The following ADAMTS12 variants were observed in gnomAD, a reference collection of about 807,000 sequenced individuals.
ADAMTS12 encodes the protein ADAM metallopeptidase with thrombospondin type 1 motif 12.
ADAMTS12 carries 118 observed loss-of-function variants against 167.8 expected under a neutral mutation model. That is an observed-to-expected ratio of 0.70 (90% CI 0.61 to 0.82). The LOEUF (loss-of-function observed/expected upper bound fraction) is 0.82. Ranked by LOEUF, ADAMTS12 falls within the 40% of genes least tolerant of loss-of-function variation. The probability of loss-of-function intolerance (pLI) is 0.00; values close to 1 mark genes in which losing one functional copy is unlikely to be tolerated. For missense variants in ADAMTS12, 1,916 were observed against 1,998.8 expected, an observed-to-expected ratio of 0.96 and a Z score of 0.79; for synonymous variants, 704 against 716.9, an observed-to-expected ratio of 0.98 and a Z score of 0.29.
chr5:33,527,461 T>A, intron 23 of ADAMTS12, 95 bp from the exon 24 acceptor site: 2 of 1,243,794 alleles, frequency 1.6e-6, no homozygotes, highest in Non-Finnish European at 2.2e-6. Flanking sequence ...TTTATATGTC[T>A]ACCAAGAAAG....
intron 3 of ADAMTS12, among the ~76,000 whole-genome samples, chr5:33,739,201 A>G (rs9784618): frequency 0.12 from 18,799 of 152,086 alleles, 1,869 homozygotes; most frequent in East Asian, 0.54. Flanking sequence ...ACAGTGTGTG[A>G]CGTGACGAAT....
intron 2 of ADAMTS12, among the ~76,000 whole-genome samples, chr5:33,829,824 TC>T (rs1748227094): frequency 6.6e-6 from 1 of 152,208 alleles, no homozygotes; most frequent in Admixed American, 6.5e-5. Context: ...TGACCAGCTT[TC>T]CTCAATTCCC....
chr5:33,615,719 A>G, intron 15 of ADAMTS12, 109 bp downstream of exon 15: 1 of 1,434,038 alleles, frequency 7.0e-7, no homozygotes, highest in Non-Finnish European at 9.5e-7. Context: ...CCTTGCTAAA[A>G]GAGGTTTTAA....
At chr5:33,632,861 G>A (rs6451003) in intron 12 of ADAMTS12, among the ~76,000 whole-genome samples, 119,766 of 152,094 alleles carry the variant, frequency 0.79, 48,671 homozygotes, top group Non-Finnish European at 0.89. Context: ...TCTGTTTCAA[G>A]GCTGCTGGGA....
intron 18 of ADAMTS12, among the ~76,000 whole-genome samples, chr5:33,584,058 G>C: frequency 6.6e-6 from 1 of 152,214 alleles, no homozygotes; most frequent in East Asian, 1.9e-4. Context: ...TGTACATTCA[G>C]AGTAGACGCT....
intron 5 of ADAMTS12, among the ~76,000 whole-genome samples, chr5:33,677,998 A>G (rs1280078004): frequency 6.6e-6 from 1 of 152,196 alleles, no homozygotes; most frequent in Non-Finnish European, 1.5e-5. Context: ...TGTTGAAACC[A>G]CCGCAGAAAA....
At chr5:33,760,384 AAAG>A (rs984114778) in intron 2 of ADAMTS12, among the ~76,000 whole-genome samples, 2 of 152,210 alleles carry the variant, frequency 1.3e-5, no homozygotes, top group Admixed American at 1.3e-4. Context: ...AAAAAAAAAA[AAAG>A]ATTTGAAAAA....
chr5:33,806,765 ACT>A (rs763666578), intron 2 of ADAMTS12, among the ~76,000 whole-genome samples: 4 of 152,194 alleles, frequency 2.6e-5, no homozygotes, highest in Non-Finnish European at 5.9e-5. Flanking sequence ...GAAAACGAAT[ACT>A]GTCATGTTTC....
chr5:33,618,163 T>C (rs755276099), intron 14 of ADAMTS12, among the ~76,000 whole-genome samples: 1 of 152,178 alleles, frequency 6.6e-6, no homozygotes, highest in Non-Finnish European at 1.5e-5. Flanking sequence ...CTAGAGAAAA[T>C]AAAATGTTAA....
chr5:33,586,530 T>C (rs1747361183), intron 18 of ADAMTS12, among the ~76,000 whole-genome samples: 1 of 152,254 alleles, frequency 6.6e-6, no homozygotes, highest in Admixed American at 6.5e-5. Flanking sequence ...TTTGGTCTCT[T>C]GTTCTCCAGT....
chr5:33,738,523 G>A (rs1395410752), intron 3 of ADAMTS12, among the ~76,000 whole-genome samples: 1 of 152,176 alleles, frequency 6.6e-6, no homozygotes, highest in Non-Finnish European at 1.5e-5. Flanking sequence ...AATGGCTTTC[G>A]GCTTTCACCT....
intron 18 of ADAMTS12, among the ~76,000 whole-genome samples, chr5:33,580,329 C>G (rs1377778515): frequency 2.0e-5 from 3 of 152,182 alleles, no homozygotes; most frequent in African/African-American, 7.2e-5. Flanking sequence ...TCCTTCTTCA[C>G]ATGGCGGCAG....
chr5:33,575,653 T>G (rs1481224786), intron 19 of ADAMTS12, among the ~76,000 whole-genome samples: 1 of 152,226 alleles, frequency 6.6e-6, no homozygotes, highest in Non-Finnish European at 1.5e-5. Context: ...TCAGTTTACC[T>G]TTCTCTGTCT....
Position 33,624,362 on chromosome 5 carries a change from G to T in ADAMTS12, c.2023-11C>A, listed in dbSNP as rs568780731. On this transcript the variant is annotated splice_polypyrimidine_tract_variant and intron_variant, in intron 13 of 23. Transcript: ENST00000504830. Reference sequence around the variant, plus strand: ...GTCACAGCCAACCATCTGTGGGGAAGAGAGGTGGAGGATGAATGCCCAGGC... The same window carrying T: ...GTCACAGCCAACCATCTGTGGGGAATAGAGGTGGAGGATGAATGCCCAGGC... 4 of 1,613,646 alleles carry T rather than the reference G, an allele frequency of 2.5e-6. No individual in the cohort carries two copies. The highest frequency in any genetic ancestry group is 3.4e-6 in the Non-Finnish European group (4 of 1,179,814).
intron 2 of ADAMTS12, among the ~76,000 whole-genome samples, chr5:33,787,507 A>C (rs1579935519): frequency 6.6e-6 from 1 of 152,364 alleles, no homozygotes; most frequent in South Asian, 2.1e-4. Context: ...GTTTCTTGAG[A>C]GAAGAAGGCG....
intron 20 of ADAMTS12, among the ~76,000 whole-genome samples, chr5:33,559,061 T>G (rs1666087206): frequency 6.6e-6 from 1 of 152,154 alleles, no homozygotes; most frequent in Admixed American, 6.5e-5. Flanking sequence ...TCCTGTCTGA[T>G]GGTAAGTCTG....
intron 5 of ADAMTS12, among the ~76,000 whole-genome samples, chr5:33,662,268 C>G (rs1167472036): frequency 6.6e-6 from 1 of 152,272 alleles, no homozygotes; most frequent in East Asian, 1.9e-4. Context: ...GGGGAAAACT[C>G]CAAGACAGAA....
chr5:33,650,485 T>A (rs1414831207), intron 7 of ADAMTS12, among the ~76,000 whole-genome samples: 1 of 152,218 alleles, frequency 6.6e-6, no homozygotes, highest in Non-Finnish European at 1.5e-5. Flanking sequence ...TATTTTCCTT[T>A]TCCATATGAA....
chr5:33,735,420 C>T (rs1444249691), intron 3 of ADAMTS12, among the ~76,000 whole-genome samples: 1 of 152,160 alleles, frequency 6.6e-6, no homozygotes, highest in Non-Finnish European at 1.5e-5. Context: ...AATGTTTTTG[C>T]TATCTTGTAT....
Sources: gnomAD v4.1 joint callset for allele counts (sites outside exome capture counted in the v4.1 genomes callset) on GRCh38, gnomAD v4.1.1 for gene constraint, MANE v1.5 for transcripts, NCBI Gene and HGNC (gene_info 2026-07-23, HGNC 2026-07-21) for gene names.